Variants in SH3RF3 observed in about 807,000 individuals in gnomAD.
SH3RF3 encodes the protein E3 ubiquitin-protein ligase SH3RF3.
SH3RF3 carries 29 observed loss-of-function variants against 66.3 expected under a neutral mutation model. The observed-to-expected ratio is 0.44, with a 90% CI of 0.33 to 0.60. The LOEUF (loss-of-function observed/expected upper bound fraction) is 0.60, where lower values mean the gene tolerates loss of function less well. SH3RF3 is among the 20% of genes least tolerant of loss of function. SH3RF3 has a pLI of 0.04. For missense variants in SH3RF3, 1,194 were observed against 1,190.9 expected (o/e 1.00, Z -0.04); for synonymous variants, 583 against 532.0 (o/e 1.10, Z -1.32).
chr2:109,216,958 C>A (rs1384846413), intron 1 of SH3RF3, among the ~76,000 whole-genome samples: 3 of 152,316 alleles, frequency 2.0e-5, no homozygotes, highest in African/African-American at 7.2e-5. Flanking sequence ...TTCCTCCACC[C>A]TCCAGGCCCT....
At position 109,449,227 on chromosome 2, in the gene SH3RF3, G is replaced by A. The variant is rs199983346; in HGVS notation, c.1886G>A (p.Arg629His). The part of the protein sequence containing the change: ...DRPTATVSPL[R>H]TQNSPSRLPA... ...CCAACTGCCACCGTGTCACCCCTGCGCACCCAGAACTCTCCATCCCGCCTG... is the reference window on the plus strand; with the variant it reads ...CCAACTGCCACCGTGTCACCCCTGCACACCCAGAACTCTCCATCCCGCCTG... Residue 629 changes from arginine to histidine, a missense_variant, in exon 8 of 10, where the codon CGC (arginine) becomes CAC (histidine). Arg to His is a conservative substitution (Grantham distance 29). Transcript: ENST00000309415. The A allele has an allele frequency of 7.4e-5, 120 of 1,613,302 alleles. No individual in the cohort carries two copies. The African/African-American group carries it at 7.6e-4, about 10-fold the overall frequency.
chr2:109,240,825 T>C (rs1385371776), intron 1 of SH3RF3, among the ~76,000 whole-genome samples: 1 of 152,074 alleles, frequency 6.6e-6, no homozygotes, highest in Non-Finnish European at 1.5e-5. Context: ...TACTTCTTCC[T>C]ACTGGACTCC....
chr2:109,437,688 G>A (rs923404117), intron 7 of SH3RF3, among the ~76,000 whole-genome samples: 2 of 150,744 alleles, frequency 1.3e-5, no homozygotes, highest in Non-Finnish European at 3.0e-5. Context: ...AATGACAGCT[G>A]TTGATCCTTC....
intron 5 of SH3RF3, among the ~76,000 whole-genome samples, chr2:109,422,136 G>A (rs1559074855): frequency 6.6e-6 from 1 of 152,190 alleles, no homozygotes; most frequent in Admixed American, 6.5e-5. Context: ...GCCTCTGTAA[G>A]TCACGTTCAG....
At chr2:109,215,737 A>G (rs1679089797) in intron 1 of SH3RF3, among the ~76,000 whole-genome samples, 1 of 152,172 alleles carries the variant, frequency 6.6e-6, no homozygotes. Context: ...CACTGCTAGG[A>G]CATCTAATGG....
chr2:109,159,448 G>A (rs1390569667), intron 1 of SH3RF3, among the ~76,000 whole-genome samples: 1 of 152,246 alleles, frequency 6.6e-6, no homozygotes, highest in African/African-American at 2.4e-5. Flanking sequence ...CTGCATTACT[G>A]TGGATTTTAG....
chr2:109,265,449 C>G (rs912270857), intron 1 of SH3RF3, among the ~76,000 whole-genome samples: 1 of 152,210 alleles, frequency 6.6e-6, no homozygotes, highest in Admixed American at 6.5e-5. Context: ...TGACAGTGAG[C>G]CCCCACCTCC....
At chr2:109,364,282 A>G (rs550031166) in intron 2 of SH3RF3, among the ~76,000 whole-genome samples, 6 of 152,198 alleles carry the variant, frequency 3.9e-5, no homozygotes, top group African/African-American at 1.2e-4. Context: ...AGCACGTCGA[A>G]GGCATTCTTC....
At chr2:109,192,877 T>C (rs1167626540) in intron 1 of SH3RF3, among the ~76,000 whole-genome samples, 1 of 152,212 alleles carries the variant, frequency 6.6e-6, no homozygotes, top group East Asian at 1.9e-4. Context: ...ACTGATTTTA[T>C]GAATTTTCAA....
At chr2:109,442,593 A>T (rs1268288768) in intron 7 of SH3RF3, among the ~76,000 whole-genome samples, 1 of 152,208 alleles carries the variant, frequency 6.6e-6, no homozygotes, top group Non-Finnish European at 1.5e-5. Flanking sequence ...TTGGGAAGGG[A>T]GAAGTGGAAG....
At chr2:109,490,112 T>C (rs1217508355) in intron 8 of SH3RF3, among the ~76,000 whole-genome samples, 1 of 152,242 alleles carries the variant, frequency 6.6e-6, no homozygotes, top group African/African-American at 2.4e-5. Context: ...AGTTTCCTGA[T>C]GGAACCATTC....
chr2:109,447,576 G>T (rs138933956), intron 7 of SH3RF3, among the ~76,000 whole-genome samples: 1 of 151,740 alleles, frequency 6.6e-6, no homozygotes, highest in African/African-American at 2.4e-5. Flanking sequence ...GGTGCTGCCC[G>T]GGCCACTTGG....
At chr2:109,270,847 G>A (rs746857048) in intron 1 of SH3RF3, among the ~76,000 whole-genome samples, 1 of 152,252 alleles carries the variant, frequency 6.6e-6, no homozygotes, top group Admixed American at 6.5e-5. Flanking sequence ...GCGTTGGTAG[G>A]ATGGAGTGGC....
intron 4 of SH3RF3, among the ~76,000 whole-genome samples, chr2:109,403,469 G>C (rs1469436203): frequency 6.6e-6 from 1 of 152,226 alleles, no homozygotes; most frequent in Non-Finnish European, 1.5e-5. Context: ...CTGTACTTCT[G>C]TGCCAGCCCT....
intron 1 of SH3RF3, among the ~76,000 whole-genome samples, chr2:109,197,872 C>G (rs1348199730): frequency 1.3e-5 from 2 of 152,218 alleles, no homozygotes; most frequent in Admixed American, 6.5e-5. Context: ...GCTTTTTGCA[C>G]AGAAGACTGC....
At chr2:109,132,976 T>C (rs6755270) in intron 1 of SH3RF3, among the ~76,000 whole-genome samples, 30,952 of 152,258 alleles carry the variant, frequency 0.2, 3,911 homozygotes, top group Middle Eastern at 0.36. Context: ...TTTAAATCCT[T>C]GACTTATATT....
chr2:109,482,352 A>C (rs534017763), intron 8 of SH3RF3, among the ~76,000 whole-genome samples: 3 of 152,222 alleles, frequency 2.0e-5, no homozygotes, highest in African/African-American at 7.2e-5. Flanking sequence ...GGCTAAGAGC[A>C]GTTCAGGAAC....
intron 8 of SH3RF3, among the ~76,000 whole-genome samples, chr2:109,452,435 T>G (rs1446941624): frequency 6.6e-6 from 1 of 152,196 alleles, no homozygotes; most frequent in Non-Finnish European, 1.5e-5. Flanking sequence ...GAAAAGACAG[T>G]GAGCTCCTCA....
chr2:109,169,464 G>T (rs943405956), intron 1 of SH3RF3, among the ~76,000 whole-genome samples: 29 of 152,082 alleles, frequency 1.9e-4, no homozygotes, highest in African/African-American at 6.8e-4. Context: ...GTGTTGAATT[G>T]TCGGGGAGGA....
Sources: gnomAD v4.1 joint callset for allele counts (sites outside exome capture counted in the v4.1 genomes callset) on GRCh38, gnomAD v4.1.1 for gene constraint, MANE v1.5 for transcripts, NCBI Gene and HGNC (gene_info 2026-07-23, HGNC 2026-07-21) for gene names.